MAP2: variants seen among roughly 807,000 people sequenced by gnomAD.
The protein encoded by MAP2 is microtubule associated protein 2.
A neutral mutation model predicts 137.6 loss-of-function variants in MAP2; 14 were observed. The observed-to-expected ratio is 0.10, with a 90% CI of 0.07 to 0.16. The LOEUF (loss-of-function observed/expected upper bound fraction) is 0.16, where lower values mean the gene tolerates loss of function less well. MAP2 is among the 10% of genes least tolerant of loss of function. The pLI is 1.00. For synonymous variants in MAP2, 786 were observed against 782.3 expected (o/e 1.00, Z -0.08); for missense variants, 2,088 against 2,191.5 (o/e 0.95, Z 0.94).
chr2:209,463,496 A>G (rs1703374947), intron 1 of MAP2, among the ~76,000 whole-genome samples: 1 of 152,168 alleles, frequency 6.6e-6, no homozygotes, highest in Non-Finnish European at 1.5e-5. Context: ...AGCTTTCAAC[A>G]TATTCTTTCC....
At chr2:209,620,797 G>A (rs1053480404) in intron 3 of MAP2, among the ~76,000 whole-genome samples, 1 of 152,150 alleles carries the variant, frequency 6.6e-6, no homozygotes, top group Non-Finnish European at 1.5e-5. Flanking sequence ...AATCTTGGTA[G>A]GTCAGATTGA....
At chr2:209,444,763 G>T (rs1698643717) in intron 1 of MAP2, among the ~76,000 whole-genome samples, 1 of 151,432 alleles carries the variant, frequency 6.6e-6, no homozygotes, top group Non-Finnish European at 1.5e-5. Flanking sequence ...ATTCAACCGT[G>T]TATTCTTTGA....
chr2:209,695,887 A>G lies in MAP2; in HGVS notation c.3717A>G (p.Ile1239Met), dbSNP rs1221748114. 17 of 1,614,022 alleles carry G rather than the reference A, an allele frequency of 1.1e-5. No individual in the cohort carries two copies. Among genetic ancestry groups the G allele is most frequent in the Non-Finnish European group, 1.4e-5 (17 of 1,180,006 alleles). The change falls in exon 8 of 16, where the codon ATA (isoleucine) becomes ATG (methionine). Residue 1239 changes from isoleucine to methionine, a missense_variant. Physicochemically the swap from Ile to Met is conservative, Grantham distance 10 (BLOSUM62 1). This residue lies in a region of MAP2 where 591 missense variants were observed against 642.6 expected (regional missense o/e 0.92). Coordinates refer to ENST00000682079, the MANE Select transcript of MAP2 (RefSeq NM_001375505.1). ...AGATTCAGAGTGAGGAAGAAGAGAT[A>G]GAAGCCCAGGGAGAATATGATAAAC... is the stretch of plus-strand genomic sequence containing the variant. ...PAEIQSEEEE[I>M]EAQGEYDKLL...
intron 1 of MAP2, among the ~76,000 whole-genome samples, chr2:209,498,847 A>C (rs1054095111): frequency 2.0e-5 from 3 of 152,076 alleles, no homozygotes; most frequent in African/African-American, 7.2e-5. Flanking sequence ...TTCTTCCCTC[A>C]TAGGCCTCTG....
chr2:209,563,229 C>A (rs2072588657), intron 2 of MAP2, among the ~76,000 whole-genome samples: 1 of 152,184 alleles, frequency 6.6e-6, no homozygotes, highest in Admixed American at 6.5e-5. Context: ...GTGGTTTAGT[C>A]TTCCTGTGTC....
At chr2:209,621,504 C>T (rs376555063) in intron 3 of MAP2, among the ~76,000 whole-genome samples, 1 of 151,864 alleles carries the variant, frequency 6.6e-6, no homozygotes, top group Non-Finnish European at 1.5e-5. Context: ...GGTGATCCAC[C>T]CTCCTCAGCC....
chr2:209,481,891 C>T lies in MAP2; in HGVS notation c.-221-25701C>T, dbSNP rs559958026. On this transcript the variant is annotated intron_variant, in intron 1 of 15. Transcript: ENST00000682079. ...TACATGAAAGGACAGCCAGCTTCCA[C>T]AAACTTCTGTTCATATAGAGTTGAT... Among the ~76,000 whole-genome samples the T allele has an allele frequency of 7.2e-5, 11 of 152,288 alleles. 1 individual carries two copies. The South Asian group carries it at 1.7e-3, about 23-fold the overall frequency.
intron 4 of MAP2, among the ~76,000 whole-genome samples, chr2:209,637,358 G>A (rs576760775): frequency 7.9e-5 from 12 of 152,018 alleles, no homozygotes; most frequent in East Asian, 1.9e-4. Flanking sequence ...AACAAGAATC[G>A]TTTGAACCCA....
chr2:209,513,923 T>A (rs1267890669), intron 2 of MAP2, among the ~76,000 whole-genome samples: 1 of 152,082 alleles, frequency 6.6e-6, no homozygotes, highest in Non-Finnish European at 1.5e-5. Flanking sequence ...CACGTTTTTG[T>A]CCAAAATCTA....
At chr2:209,730,066 A>G in intron 15 of MAP2, 104 bp downstream of exon 15, 1 of 1,141,786 alleles carries the variant, frequency 8.8e-7, no homozygotes, top group East Asian at 2.4e-5. Flanking sequence ...ACAAATAAGA[A>G]GTGGGGATAA....
chr2:209,538,729 C>A (rs1018257024), intron 2 of MAP2, among the ~76,000 whole-genome samples: 4 of 151,868 alleles, frequency 2.6e-5, no homozygotes, highest in Non-Finnish European at 5.9e-5. Context: ...ATCGTGAAAT[C>A]GAGATGCTGA....
chr2:209,714,038 A>G (rs929385100), intron 13 of MAP2, among the ~76,000 whole-genome samples: 1 of 118,858 alleles, frequency 8.4e-6, no homozygotes, highest in Non-Finnish European at 1.7e-5. Context: ...CTAAAAGTAC[A>G]AAAAAAAAAG....
chr2:209,449,267 A>G (rs920602156), intron 1 of MAP2, among the ~76,000 whole-genome samples: 1 of 152,166 alleles, frequency 6.6e-6, no homozygotes, highest in Non-Finnish European at 1.5e-5. Flanking sequence ...ATTAAAGAAG[A>G]AACAATAGAA....
chr2:209,506,365 T>C (rs919220225), intron 1 of MAP2, among the ~76,000 whole-genome samples: 2 of 152,228 alleles, frequency 1.3e-5, no homozygotes, highest in Admixed American at 1.3e-4. Context: ...AGTAAATAAC[T>C]AGTTTTAGGC....
At position 209,693,078 on chromosome 2, in the gene MAP2, A is replaced by C; in HGVS notation, c.908A>C (p.Lys303Thr). ...REKDVFDDIPKWEGKQFDSPM... is the reference protein window; with the variant it reads ...REKDVFDDIPTWEGKQFDSPM... Reference sequence around the variant, plus strand: ...AAAGATGTATTTGATGATATCCCAAAATGGGAAGGGAAACAGTTTGATTCT... The same window carrying C: ...AAAGATGTATTTGATGATATCCCAACATGGGAAGGGAAACAGTTTGATTCT... Residue 303 changes from lysine (K) to threonine (T), a missense_variant, in exon 8 of 16, where the codon AAA becomes ACA. Transcript: ENST00000682079. 6.2e-7 allele frequency: 1 copy of C among 1,613,408 alleles called. No homozygotes were observed. The highest frequency in any genetic ancestry group is 8.5e-7 in the Non-Finnish European group (1 of 1,179,782).
chr2:209,660,734 T>C (rs1377231874), intron 5 of MAP2, among the ~76,000 whole-genome samples: 1 of 131,396 alleles, frequency 7.6e-6, no homozygotes, highest in Non-Finnish European at 1.6e-5. Flanking sequence ...TTATTATTAT[T>C]ATTATTATTA....
chr2:209,494,432 T>TA (rs34659853), intron 1 of MAP2, among the ~76,000 whole-genome samples: 5,157 of 135,566 alleles, frequency 0.038, 117 homozygotes, highest in South Asian at 0.12. Flanking sequence ...AAAGTATAAT[T>TA]AAAAAAAAAA....
chr2:209,474,612 A>G (rs781626881), intron 1 of MAP2, among the ~76,000 whole-genome samples: 1 of 152,078 alleles, frequency 6.6e-6, no homozygotes, highest in Non-Finnish European at 1.5e-5. Flanking sequence ...AGTATATTAT[A>G]TATGAGTGTG....
intron 3 of MAP2, among the ~76,000 whole-genome samples, chr2:209,622,666 T>G (rs145499204): frequency 6.6e-6 from 1 of 150,720 alleles, no homozygotes; most frequent in African/African-American, 2.5e-5. Context: ...TAAAGTAATT[T>G]AATGCTATTT....
Sources: gnomAD v4.1 joint callset for allele counts (sites outside exome capture counted in the v4.1 genomes callset) on GRCh38, gnomAD v4.1.1 for gene constraint, gnomAD v4.1.1 regional missense constraint, MANE v1.5 for transcripts, NCBI Gene and HGNC (gene_info 2026-07-23, HGNC 2026-07-21) for gene names.